The following TTC9 variants were observed in gnomAD, a reference collection of about 807,000 sequenced individuals.
TTC9 encodes tetratricopeptide repeat domain 9.
Under a neutral mutation model 22.9 loss-of-function variants are expected in TTC9, and 13 were observed. That is an observed-to-expected ratio of 0.57 (90% CI 0.37 to 0.90). The LOEUF (loss-of-function observed/expected upper bound fraction) is 0.90, where lower values mean the gene tolerates loss of function less well. Among genes scored for constraint, TTC9 ranks in the 40% least tolerant of loss-of-function variants. TTC9 has a pLI of 0.01. For missense variants in TTC9, 280 were observed against 291.8 expected (o/e 0.96, Z 0.29); for synonymous variants, 148 against 133.2 (o/e 1.11, Z -0.77).
At chr14:70,646,806 A>G (rs565918979) in intron 1 of TTC9, among the ~76,000 whole-genome samples, 1 of 152,330 alleles carries the variant, frequency 6.6e-6, no homozygotes, top group African/African-American at 2.4e-5. Context: ...CCTAGAAGGA[A>G]GTCACACTGG....
intron 1 of TTC9, among the ~76,000 whole-genome samples, chr14:70,646,248 G>A (rs911252253): frequency 1.3e-5 from 2 of 152,138 alleles, no homozygotes; most frequent in Non-Finnish European, 2.9e-5. Context: ...CTGTTTCTAC[G>A]GAATTTTGAA....
rs941409015 is a variant in TTC9, at chr14:70,674,180, T to C, written c.*3025T>C. On this transcript the variant is annotated 3_prime_UTR_variant, in exon 3 of 3. Transcript: ENST00000256367. ...TACGTTGCGGATGTCACTGCTGACC[T>C]ATGTAGCTGGAGTACTAATCAGGCA... 1 of 152,204 alleles carries C rather than the reference T, an allele frequency of 6.6e-6. No individual in the cohort carries two copies. The highest frequency in any genetic ancestry group is 6.5e-5 in the Admixed American group (1 of 15,288). 9.4% of individuals were successfully genotyped at this position (152,204 alleles called of 1,614,324 possible).
intron 1 of TTC9, among the ~76,000 whole-genome samples, chr14:70,659,137 C>CAT (rs1886109887): frequency 6.6e-6 from 1 of 151,386 alleles, no homozygotes; most frequent in Non-Finnish European, 1.5e-5. Context: ...CACACGCACA[C>CAT]ACACACACAC....
intron 1 of TTC9, among the ~76,000 whole-genome samples, chr14:70,651,183 T>C (rs1885979970): frequency 6.6e-6 from 1 of 152,238 alleles, no homozygotes; most frequent in Non-Finnish European, 1.5e-5. Context: ...GGTTTCGCTA[T>C]GTTGGCCAGG....
At chr14:70,661,062 C>T (rs1295664001) in intron 1 of TTC9, among the ~76,000 whole-genome samples, 2 of 152,154 alleles carry the variant, frequency 1.3e-5, no homozygotes, top group African/African-American at 2.4e-5. Context: ...ATCAAGGTGT[C>T]GGCAGGGTTG....
At chr14:70,665,469 G>A (rs1053391138) in intron 1 of TTC9, among the ~76,000 whole-genome samples, 4 of 152,304 alleles carry the variant, frequency 2.6e-5, no homozygotes, top group South Asian at 2.1e-4. Flanking sequence ...AGAGGGGAGG[G>A]GGGCTTGTAG....
intron 1 of TTC9, among the ~76,000 whole-genome samples, chr14:70,643,748 G>T (rs1427751444): frequency 6.6e-6 from 1 of 152,206 alleles, no homozygotes; most frequent in Admixed American, 6.5e-5. Flanking sequence ...GAGGTTTCTA[G>T]TACCAGCCTA....
chr14:70,669,572 C>T (rs10140824), intron 2 of TTC9, among the ~76,000 whole-genome samples: 10,754 of 151,234 alleles, frequency 0.071, 1,012 homozygotes, highest in African/African-American at 0.21. Flanking sequence ...TGAGCCACCA[C>T]ACCCAGCCTT....
intron 1 of TTC9, among the ~76,000 whole-genome samples, chr14:70,661,698 G>C (rs904531213): frequency 5.3e-5 from 8 of 152,170 alleles, no homozygotes; most frequent in African/African-American, 1.7e-4. Flanking sequence ...CGTGGTTGCT[G>C]GGGGGAACAT....
At chr14:70,658,502 G>C (rs1028086770) in intron 1 of TTC9, among the ~76,000 whole-genome samples, 12 of 152,192 alleles carry the variant, frequency 7.9e-5, no homozygotes, top group Admixed American at 2.6e-4. Flanking sequence ...TGACTCATTA[G>C]AGAGACCCCC....
At chr14:70,654,358 A>G (rs1030973277) in intron 1 of TTC9, among the ~76,000 whole-genome samples, 2 of 152,036 alleles carry the variant, frequency 1.3e-5, no homozygotes, top group Admixed American at 6.6e-5. Context: ...TGGGAGGCCA[A>G]AGTGGGTGAA....
intron 1 of TTC9, among the ~76,000 whole-genome samples, chr14:70,658,385 C>T (rs761561499): frequency 1.3e-4 from 20 of 152,300 alleles, no homozygotes; most frequent in Non-Finnish European, 2.8e-4. Flanking sequence ...AAGGGAGACG[C>T]ATTTCATAAA....
chr14:70,652,162 A>G lies in TTC9; in HGVS notation c.406+9627A>G, dbSNP rs565720869. On this transcript the variant is annotated intron_variant, in intron 1 of 2. Transcript: ENST00000256367. ...CTATCCAGGATTTCAAAAGGCTTCT[A>G]GCAACCCCCTCCCTGCCTTGATCTT... is the stretch of plus-strand genomic sequence containing the variant. 2.6e-5 allele frequency among the ~76,000 whole-genome samples: 4 copies of G among 152,320 alleles called. 1 individual carries two copies. The South Asian group carries it at 8.3e-4, about 32-fold the overall frequency.
chr14:70,646,368 T>G (rs1340904109), intron 1 of TTC9, among the ~76,000 whole-genome samples: 1 of 152,220 alleles, frequency 6.6e-6, no homozygotes, highest in East Asian at 1.9e-4. Flanking sequence ...GTTGATGGAC[T>G]CTTCTTGACA....
At chr14:70,669,428 C>T (rs1055526067) in intron 2 of TTC9, among the ~76,000 whole-genome samples, 1 of 151,918 alleles carries the variant, frequency 6.6e-6, no homozygotes. Context: ...TACAGGCATG[C>T]ACTACCATGC....
At position 70,675,093 on chromosome 14, in the gene TTC9, C is replaced by A. The variant is rs1454654877; in HGVS notation, c.*3938C>A. 3.3e-5 allele frequency: 5 copies of A among 152,158 alleles called. No individual in the cohort carries two copies. Among genetic ancestry groups the A allele is most frequent in the Non-Finnish European group, 7.3e-5 (5 of 68,038 alleles). The allele number at this position is 152,158 out of a possible 1,614,324, so 9.4% of individuals were successfully genotyped here. ...GTATCATCACTTATCAAATCTTTCC[C>A]AATTTGGTAGCTGGGATAATAGTAT... On this transcript the variant is annotated 3_prime_UTR_variant, in exon 3 of 3. Coordinates refer to ENST00000256367, the MANE Select transcript of TTC9 (RefSeq NM_015351.2).
At position 70,667,664 on chromosome 14, in the gene TTC9, G is replaced by A. The variant is rs1435799906; in HGVS notation, c.507G>A (p.Arg169=). ...KEGENFKALY[R]SGVAFYHLGD... The stretch of plus-strand genomic sequence containing the variant: ...GGGAGAACTTCAAGGCCCTTTACCG[G>A]TCTGGTGTGGCCTTCTACCACCTTG... The change falls in exon 2 of 3, where the codon CGG becomes CGA. Residue 169 remains arginine, a synonymous_variant. Coordinates refer to ENST00000256367, the MANE Select transcript of TTC9 (RefSeq NM_015351.2). 3.7e-6 allele frequency: 6 copies of A among 1,613,976 alleles called. No homozygotes were observed. The highest frequency in any genetic ancestry group is 2.5e-6 in the Non-Finnish European group (3 of 1,179,882).
rs891930334 is a variant in TTC9, at chr14:70,667,722, G to C, written c.565G>C (p.Glu189Gln). 1 of 1,604,986 alleles carries C rather than the reference G, an allele frequency of 6.2e-7. No individual in the cohort carries two copies. The highest frequency in any genetic ancestry group is 8.5e-7 in the Non-Finnish European group (1 of 1,174,856). The part of the protein sequence containing the change: ...DYDKALYYLK[E>Q]ARTQQPTDTN... ...TGACAAAGCACTCTACTACCTGAAA[G>C]AAGCAAGGACCCAACAACCAACAGG... The change falls in exon 2 of 3, where the codon GAA becomes CAA. Residue 189 changes from glutamate (E) to glutamine (Q), a missense_variant. This residue lies in a region of TTC9 where 39 missense variants were observed against 67.4 expected (regional missense o/e 0.58). Transcript: ENST00000256367.
chr14:70,644,467 A>G (rs1885874713), intron 1 of TTC9, among the ~76,000 whole-genome samples: 1 of 152,190 alleles, frequency 6.6e-6, no homozygotes, highest in African/African-American at 2.4e-5. Context: ...TTTATAATCT[A>G]TGTAAAAGAA....
Sources: gnomAD v4.1 joint callset for allele counts (sites outside exome capture counted in the v4.1 genomes callset) on GRCh38, gnomAD v4.1.1 for gene constraint, gnomAD v4.1.1 regional missense constraint, MANE v1.5 for transcripts, NCBI Gene and HGNC (gene_info 2026-07-23, HGNC 2026-07-21) for gene names.